The following DOCK5 variants were observed in gnomAD, a reference collection of about 807,000 sequenced individuals.
DOCK5 encodes dedicator of cytokinesis 5, also known as dedicator of cytokinesis protein 5.
In DOCK5, 142 loss-of-function variants were observed where a neutral mutation model predicts 251.8. That is an observed-to-expected ratio of 0.56 (90% confidence interval 0.49 to 0.65). The LOEUF is 0.65. DOCK5 is among the 30% of genes least tolerant of loss of function. The probability of loss-of-function intolerance (pLI) is 0.00; values close to 1 mark genes in which losing one functional copy is unlikely to be tolerated. For missense variants in DOCK5, 2,111 were observed against 2,312.3 expected (o/e 0.91, Z 1.79); for synonymous variants, 842 against 835.5 (o/e 1.01, Z -0.13).
At chr8:25,380,973 G>A (rs1053847410) in intron 39 of DOCK5, among the ~76,000 whole-genome samples, 1 of 151,734 alleles carries the variant, frequency 6.6e-6, no homozygotes, top group Non-Finnish European at 1.5e-5. Context: ...CCAGTGGAAG[G>A]CAGCCACCAT....
At chr8:25,366,995 TCGG>T in intron 31 of DOCK5, 25 bp downstream of exon 31, 1 of 1,586,538 alleles carries the variant, frequency 6.3e-7, no homozygotes, top group South Asian at 1.1e-5. Context: ...AAAGTTAAGA[TCGG>T]GAAGGGGCTT....
chr8:25,325,449 C>T lies in DOCK5; in HGVS notation c.1805C>T (p.Ala602Val). 1 of 1,613,936 alleles carries T rather than the reference C, an allele frequency of 6.2e-7. No individual in the cohort carries two copies. The highest frequency in any genetic ancestry group is 8.5e-7 in the Non-Finnish European group (1 of 1,179,852). ...GAGATGGAAGAAAAAGAGCTTCAAGCATCCAAAAACCTGGTCACCTTCACC... is the reference window on the plus strand; with the variant it reads ...GAGATGGAAGAAAAAGAGCTTCAAGTATCCAAAAACCTGGTCACCTTCACC... Reference protein sequence around the residue: ...KMEMEEKELQASKNLVTFTPS... With the variant: ...KMEMEEKELQVSKNLVTFTPS... The change falls in exon 18 of 52, where the codon GCA becomes GTA. Residue 602 changes from alanine to valine, a missense_variant. Around this residue, in one of 3 missense-constraint regions of DOCK5, gnomAD observed 1,717 missense variants for 1,892.4 expected, o/e 0.91. Transcript: ENST00000276440.
chr8:25,308,704 A>G lies in DOCK5; in HGVS notation c.1050-79A>G, dbSNP rs1586315993. 18 of 1,507,524 alleles carry G rather than the reference A, an allele frequency of 1.2e-5. No individual in the cohort carries two copies. The East Asian group carries it at 3.9e-4, about 32-fold the overall frequency. The allele number at this position is 1,507,524 out of a possible 1,614,324, so 93.4% of individuals were successfully genotyped here. ...GATATCTCCAAATTATTCCTATATG[A>G]CTCACCATTATCTGAGGTTGTGCTG... On this transcript the variant is annotated intron_variant, in intron 11 of 51. Transcript: ENST00000276440.
intron 3 of DOCK5, among the ~76,000 whole-genome samples, chr8:25,273,006 G>A (rs901650167): frequency 2.6e-5 from 4 of 152,072 alleles, no homozygotes; most frequent in Non-Finnish European, 5.9e-5. Flanking sequence ...TGTCTTCAAG[G>A]TTAGTTCCCA....
intron 1 of DOCK5, among the ~76,000 whole-genome samples, chr8:25,189,042 CTTTCTTTTTT>C (rs1801510439): frequency 4.1e-5 from 4 of 97,636 alleles, no homozygotes; most frequent in Admixed American, 1.2e-4. Context: ...TTCTTTCTTT[CTTTCTTTTTT>C]TTTTTTTTTT....
Position 25,408,909 on chromosome 8 carries a change from T to C in DOCK5, c.5373T>C (p.Pro1791=), listed in dbSNP as rs1335495666. Residue 1791 remains proline (P), a synonymous_variant, in exon 50 of 52, where the codon CCT becomes CCC. Coordinates refer to ENST00000276440, the MANE Select transcript of DOCK5 (RefSeq NM_024940.8). ...CTCAGTCAACACCCTTGAGCCCACC[T>C]CCACTCACTCCCAAAGCCACCAGGA... is the stretch of plus-strand genomic sequence containing the variant. The part of the protein sequence containing the change: ...SPPQSTPLSP[P]PLTPKATRTL... The C allele has an allele frequency of 6.2e-7, 1 of 1,613,968 alleles. No individual in the cohort carries two copies. The highest frequency in any genetic ancestry group is 1.3e-5 in the African/African-American group (1 of 75,030).
intron 34 of DOCK5, among the ~76,000 whole-genome samples, chr8:25,372,353 G>A (rs968849042): frequency 1.3e-5 from 2 of 152,304 alleles, no homozygotes; most frequent in Admixed American, 6.5e-5. Flanking sequence ...ACAAAGAAGC[G>A]CAGCATAAGT....
At chr8:25,198,002 G>T (rs565151771) in intron 1 of DOCK5, among the ~76,000 whole-genome samples, 1 of 152,140 alleles carries the variant, frequency 6.6e-6, no homozygotes, top group Non-Finnish European at 1.5e-5. Flanking sequence ...CGCCTGCGTC[G>T]GCCTCCCAAA....
At position 25,332,629 on chromosome 8, in the gene DOCK5, CTT is replaced by C; in HGVS notation, c.2030_2031del (p.Phe677Ter). 6.2e-7 allele frequency: 1 copy of C among 1,612,242 alleles called. No individual in the cohort carries two copies. Among genetic ancestry groups the C allele is most frequent in the East Asian group, 2.2e-5 (1 of 44,784 alleles). ...KFLQDTLDALFNIMMEMSDSE... is the reference protein window; with the variant it reads ...KFLQDTLDALXNIMMEMSDSE... ...TTTTGCAAGATACACTAGATGCACT[CTT>C]TAACATAATGATGGAAATGTCAGAC... On this transcript the variant is annotated frameshift_variant, in exon 20 of 52. Transcript: ENST00000276440. LOFTEE classifies it high-confidence loss of function.
chr8:25,273,447 A>G (rs4872302), intron 3 of DOCK5, among the ~76,000 whole-genome samples: 23,465 of 152,192 alleles, frequency 0.15, 2,024 homozygotes, highest in Admixed American at 0.26. Flanking sequence ...TACTAAAAAT[A>G]CAAAAATTAG....
intron 2 of DOCK5, 81 bp downstream of exon 2, chr8:25,243,838 ACAT>A: frequency 1.5e-6 from 2 of 1,311,778 alleles, no homozygotes; most frequent in Non-Finnish European, 2.1e-6. Context: ...CTTAGAGTAA[ACAT>A]CAACATGCTT....
intron 6 of DOCK5, among the ~76,000 whole-genome samples, chr8:25,293,732 G>T (rs891159746): frequency 1.3e-5 from 2 of 152,172 alleles, no homozygotes; most frequent in African/African-American, 4.8e-5. Context: ...GGCCAGGTGA[G>T]GTTGCTCATG....
intron 15 of DOCK5, among the ~76,000 whole-genome samples, chr8:25,319,999 C>T (rs1377277689): frequency 2.0e-5 from 3 of 152,202 alleles, no homozygotes; most frequent in Non-Finnish European, 4.4e-5. Context: ...TTTGGCCTCT[C>T]ACCAAGTGTT....
intron 1 of DOCK5, among the ~76,000 whole-genome samples, chr8:25,205,711 G>A (rs1360588377): frequency 5.9e-5 from 9 of 152,308 alleles, no homozygotes; most frequent in Non-Finnish European, 8.8e-5. Context: ...GTGAACTCAT[G>A]AGTTTGCAGG....
chr8:25,286,274 C>T (rs2117141813), intron 5 of DOCK5, among the ~76,000 whole-genome samples: 1 of 152,224 alleles, frequency 6.6e-6, no homozygotes, highest in South Asian at 2.1e-4. Context: ...GATTCAACGC[C>T]AACTGAGTGT....
At chr8:25,368,853 C>A (rs1586368590) in intron 33 of DOCK5, 128 bp downstream of exon 33, 2 of 1,101,970 alleles carry the variant, frequency 1.8e-6, no homozygotes, top group East Asian at 5.6e-5. Context: ...GTTCACTTTA[C>A]ATTTCATTTT....
In DOCK5 at chr8:25,340,906, A is replaced by G. The variant is rs1431460605; in HGVS notation, c.2357A>G (p.Glu786Gly). Residue 786 changes from glutamate to glycine, a missense_variant, in exon 23 of 52, where the codon GAG becomes GGG. This residue lies in a region of DOCK5 where 1,717 missense variants were observed against 1,892.4 expected (regional missense o/e 0.91). Coordinates refer to ENST00000276440, the MANE Select transcript of DOCK5 (RefSeq NM_024940.8). ...TATGGGCAGAGCAAAGATGGAGATG[A>G]GTTTAATAATTCAATTCGCCAGTTA... The part of the protein sequence containing the change: ...RFYGQSKDGD[E>G]FNNSIRQLFL... 1.2e-6 allele frequency: 2 copies of G among 1,613,600 alleles called. No individual in the cohort carries two copies. Among genetic ancestry groups the G allele is most frequent in the Non-Finnish European group, 1.7e-6 (2 of 1,179,786 alleles).
At chr8:25,249,833 GC>G (rs1376070267) in intron 2 of DOCK5, among the ~76,000 whole-genome samples, 3 of 152,200 alleles carry the variant, frequency 2.0e-5, no homozygotes, top group Admixed American at 6.5e-5. Context: ...CAGTTCTCCT[GC>G]CTTGGCCTCC....
chr8:25,254,577 C>G (rs761161940), intron 2 of DOCK5, among the ~76,000 whole-genome samples: 13 of 151,552 alleles, frequency 8.6e-5, no homozygotes, highest in Non-Finnish European at 1.5e-4. Context: ...AGATAGAGAC[C>G]ATCCTGGCCA....
Sources: allele counts gnomAD v4.1 joint callset (sites outside exome capture counted in the v4.1 genomes callset), GRCh38; gene constraint gnomAD v4.1.1; regional missense constraint gnomAD v4.1.1; transcripts MANE v1.5; gene names NCBI Gene and HGNC (gene_info 2026-07-23, HGNC 2026-07-21).